The following FANCC variants were observed in gnomAD, a reference collection of about 807,000 sequenced individuals.
FANCC encodes the protein FA complementation group C.
Under a neutral mutation model 71.3 loss-of-function variants are expected in FANCC, and 55 were observed. The observed-to-expected ratio is 0.77, with a 90% CI of 0.62 to 0.97. The LOEUF is 0.97. FANCC is among the 50% of genes least tolerant of loss of function. FANCC has a pLI of 0.00. For synonymous variants in FANCC, 275 were observed against 244.9 expected, an observed-to-expected ratio of 1.12 and a Z score of -1.15; for missense variants, 678 against 670.9, an observed-to-expected ratio of 1.01 and a Z score of -0.12.
At chr9:95,296,390 G>T (rs1353737738) in intron 1 of FANCC, among the ~76,000 whole-genome samples, 1 of 152,040 alleles carries the variant, frequency 6.6e-6, no homozygotes, top group Non-Finnish European at 1.5e-5. Context: ...GAAATAGGTG[G>T]AAAAACTCAA....
intron 4 of FANCC, among the ~76,000 whole-genome samples, chr9:95,233,382 T>C (rs1023647507): frequency 6.6e-6 from 1 of 152,204 alleles, no homozygotes; most frequent in African/African-American, 2.4e-5. Context: ...GCCTCTGCTA[T>C]TTTTCACTAA....
intron 4 of FANCC, among the ~76,000 whole-genome samples, chr9:95,204,403 T>C (rs919756844): frequency 6.6e-6 from 1 of 152,172 alleles, no homozygotes; most frequent in East Asian, 1.9e-4. Flanking sequence ...TGCCTGTGAA[T>C]AGAAATCTGC....
At chr9:95,292,780 T>A in intron 1 of FANCC, 1 of 1,523,648 alleles carries the variant, frequency 6.6e-7, no homozygotes, top group Non-Finnish European at 9.1e-7. Flanking sequence ...TTTTCTCAGT[T>A]TTCTCTCGTA....
chr9:95,177,613 T>C (rs1303282993), intron 4 of FANCC, among the ~76,000 whole-genome samples: 1 of 152,250 alleles, frequency 6.6e-6, no homozygotes, highest in African/African-American at 2.4e-5. Flanking sequence ...GGTACAAAAA[T>C]ATCTTCTTTC....
chr9:95,301,189 C>CAA (rs1391429388), intron 1 of FANCC, among the ~76,000 whole-genome samples: 1 of 151,736 alleles, frequency 6.6e-6, no homozygotes, highest in Admixed American at 6.6e-5. Flanking sequence ...CACACACACA[C>CAA]ACACACACAC....
intron 4 of FANCC, among the ~76,000 whole-genome samples, chr9:95,233,254 C>T (rs565732513): frequency 3.3e-5 from 5 of 150,088 alleles, no homozygotes; most frequent in South Asian, 2.1e-4. Flanking sequence ...GCAAATAGAA[C>T]GCAGGTAGAA....
intron 4 of FANCC, among the ~76,000 whole-genome samples, chr9:95,221,499 G>C (rs1175322184): frequency 6.6e-6 from 1 of 151,832 alleles, no homozygotes; most frequent in South Asian, 2.1e-4. Context: ...AATTATAACA[G>C]AACAAAATGA....
At chr9:95,242,594 CTT>C (rs1385768144) in intron 3 of FANCC, among the ~76,000 whole-genome samples, 1 of 150,868 alleles carries the variant, frequency 6.6e-6, no homozygotes, top group African/African-American at 2.4e-5. Flanking sequence ...ATTATGCAAA[CTT>C]AGTTCAAAAG....
intron 4 of FANCC, among the ~76,000 whole-genome samples, chr9:95,236,828 C>T (rs1564782542): frequency 6.6e-6 from 1 of 152,148 alleles, no homozygotes; most frequent in Non-Finnish European, 1.5e-5. Context: ...TAAAATATGG[C>T]TGTTTTATAA....
At position 95,293,241 on chromosome 9, in the gene FANCC, C is replaced by G; in HGVS notation, c.-79+24285G>C. On this transcript the variant is annotated intron_variant, in intron 1 of 14. Transcript: ENST00000289081. ...TTGCTTTTACCAAAGCCCAAAGTGG[C>G]TTTGCTTAAACTACCCGTGATGCAG... 3 of 1,613,480 alleles carry G rather than the reference C, an allele frequency of 1.9e-6. No individual in the cohort carries two copies. In the Admixed American group the frequency reaches 5.0e-5, roughly 27 times the overall value.
chr9:95,249,373 TAAGA>T lies in FANCC; in HGVS notation c.-78-8_-78-5del. On this transcript the variant is annotated splice_region_variant and splice_polypyrimidine_tract_variant and intron_variant, in intron 1 of 14. Transcript: ENST00000289081. ...AAATGGTCGGCACACATTAAATCTG[TAAGA>T]AAGGGAACAAATAGAAGCATTTCTA... 1 of 1,376,092 alleles carries T rather than the reference TAAGA, an allele frequency of 7.3e-7. No homozygotes were observed. Among genetic ancestry groups the T allele is most frequent in the East Asian group, 2.3e-5 (1 of 42,884 alleles). 85.2% of individuals were successfully genotyped at this position (1,376,092 alleles called of 1,614,324 possible). A position where few individuals can be genotyped will look rare whatever the true frequency, so the allele number is the denominator to read the frequency against.
At chr9:95,162,351 C>G (rs550784428) in intron 6 of FANCC, among the ~76,000 whole-genome samples, 1 of 152,138 alleles carries the variant, frequency 6.6e-6, no homozygotes, top group South Asian at 2.1e-4. Context: ...TTTATTCATT[C>G]GTCCGCTGAT....
intron 5 of FANCC, among the ~76,000 whole-genome samples, chr9:95,171,485 A>G (rs1360497435): frequency 1.3e-5 from 2 of 152,028 alleles, no homozygotes; most frequent in Admixed American, 6.6e-5. Flanking sequence ...TTGTTATTGT[A>G]CAAAGCTTCC....
At chr9:95,249,047 G>A (rs962245909) in intron 2 of FANCC, 80 bp downstream of exon 2, 1 of 1,471,990 alleles carries the variant, frequency 6.8e-7, no homozygotes, top group African/African-American at 1.4e-5. Flanking sequence ...TCCCGATTCT[G>A]GGTGGCATTC....
intron 4 of FANCC, among the ~76,000 whole-genome samples, chr9:95,187,486 G>A (rs1826800968): frequency 6.6e-6 from 1 of 152,164 alleles, no homozygotes; most frequent in South Asian, 2.1e-4. Context: ...AAAACCGGAG[G>A]GCCTAAGTCA....
intron 1 of FANCC, among the ~76,000 whole-genome samples, chr9:95,253,304 A>T (rs1174465911): frequency 1.3e-5 from 2 of 152,116 alleles, no homozygotes; most frequent in Non-Finnish European, 2.9e-5. Flanking sequence ...ATGTGGGATG[A>T]TCACACCTGT....
intron 4 of FANCC, among the ~76,000 whole-genome samples, chr9:95,177,974 C>A (rs1826115071): frequency 6.6e-6 from 1 of 152,218 alleles, no homozygotes; most frequent in Non-Finnish European, 1.5e-5. Context: ...ACTCTCCAGC[C>A]CAAGCTTGTC....
chr9:95,114,239 G>C (rs756352475), intron 12 of FANCC: 22 of 325,872 alleles, frequency 6.8e-5, no homozygotes, highest in Non-Finnish European at 1.3e-4. Context: ...AGAGGTAGAG[G>C]GAAGACCACA....
intron 8 of FANCC, 135 bp downstream of exon 8, chr9:95,135,211 T>A (rs1020988144): frequency 2.3e-6 from 2 of 881,398 alleles, no homozygotes; most frequent in Non-Finnish European, 3.7e-6. Flanking sequence ...AAAAATAAAA[T>A]GTAAATACAC....
Sources: gnomAD v4.1 joint callset for allele counts (sites outside exome capture counted in the v4.1 genomes callset) on GRCh38, gnomAD v4.1.1 for gene constraint, MANE v1.5 for transcripts, NCBI Gene and HGNC (gene_info 2026-07-23, HGNC 2026-07-21) for gene names.